The following VPS13B variants were observed in gnomAD, a reference collection of about 807,000 sequenced individuals.
VPS13B encodes vacuolar protein sorting 13 homolog B.
In VPS13B, 285 loss-of-function variants were observed where a neutral mutation model predicts 426.4. The ratio of observed to expected loss-of-function variants is 0.67; its 90% confidence interval spans 0.61 to 0.74. VPS13B has a LOEUF of 0.74. Among genes scored for constraint, VPS13B ranks in the 30% least tolerant of loss-of-function variants. The pLI is 0.00. For missense variants in VPS13B, 4,537 were observed against 4,782.6 expected, an observed-to-expected ratio of 0.95 and a Z score of 1.51; for synonymous variants, 1,676 against 1,676.4, an observed-to-expected ratio of 1.00 and a Z score of 0.01.
chr8:99,337,919 T>C (rs1042765524), intron 19 of VPS13B, among the ~76,000 whole-genome samples: 8 of 152,122 alleles, frequency 5.3e-5, no homozygotes, highest in South Asian at 2.1e-4. Flanking sequence ...GTTTTTTTTT[T>C]CTCATTCATC....
chr8:99,804,536 T>C (rs1813293260), intron 43 of VPS13B, among the ~76,000 whole-genome samples: 1 of 152,232 alleles, frequency 6.6e-6, no homozygotes, highest in Non-Finnish European at 1.5e-5. Flanking sequence ...GCACTCATAC[T>C]AATTCTGTGA....
chr8:99,797,104 A>G (rs565052728), intron 43 of VPS13B: 3 of 152,194 alleles, frequency 2.0e-5, no homozygotes, highest in Non-Finnish European at 4.4e-5. Context: ...GGACATGAAT[A>G]TGGTTGAGGT....
chr8:99,508,692 A>G (rs1026614799), intron 28 of VPS13B, among the ~76,000 whole-genome samples: 3 of 152,118 alleles, frequency 2.0e-5, no homozygotes, highest in Non-Finnish European at 2.9e-5. Flanking sequence ...ACAAATATTC[A>G]TAAAGAAACC....
intron 21 of VPS13B, among the ~76,000 whole-genome samples, chr8:99,394,463 A>G (rs965810516): frequency 1.1e-4 from 16 of 152,322 alleles, no homozygotes; most frequent in East Asian, 5.8e-4. Flanking sequence ...TGTTAACAGC[A>G]GAATGCCACT....
At chr8:99,101,920 A>G (rs1346530025) in intron 4 of VPS13B, among the ~76,000 whole-genome samples, 4 of 151,878 alleles carry the variant, frequency 2.6e-5, no homozygotes, top group African/African-American at 9.7e-5. Context: ...TACCTTTTAA[A>G]TAGTTTTCTT....
At chr8:99,079,994 A>G (rs1398531627) in intron 3 of VPS13B, among the ~76,000 whole-genome samples, 1 of 150,250 alleles carries the variant, frequency 6.7e-6, no homozygotes, top group Admixed American at 6.6e-5. Flanking sequence ...TTTCTTAATA[A>G]TGTATCATAT....
chr8:99,856,592 G>T (rs567710397), intron 56 of VPS13B, among the ~76,000 whole-genome samples: 1 of 152,346 alleles, frequency 6.6e-6, no homozygotes, highest in Admixed American at 6.5e-5. Context: ...TGTAATCCCA[G>T]CACTTTGGGA....
At chr8:99,842,645 A>G (rs1815768418) in intron 54 of VPS13B, among the ~76,000 whole-genome samples, 1 of 151,916 alleles carries the variant, frequency 6.6e-6, no homozygotes, top group Non-Finnish European at 1.5e-5. Context: ...ACTTCCCACT[A>G]TTTTCTTTGT....
At position 99,467,524 on chromosome 8, in the gene VPS13B, G is replaced by A. The variant is rs750034250; in HGVS notation, c.3556G>A (p.Ala1186Thr). 2 of 1,613,758 alleles carry A rather than the reference G, an allele frequency of 1.2e-6. No homozygotes were observed. The highest frequency in any genetic ancestry group is 1.7e-6 in the Non-Finnish European group (2 of 1,179,810). Residue 1186 changes from alanine to threonine, a missense_variant, in exon 24 of 62, where the codon GCT becomes ACT. Ala to Thr is a moderately conservative substitution (Grantham distance 58). Coordinates refer to ENST00000357162, the MANE Select transcript of VPS13B (RefSeq NM_152564.5). ...ACCTATGGGTTGCACCTCCACTCTA[G>A]CTGTCACGTCTCAAAAACTGCTTGC... ...VEPMGCTSTL[A>T]VTSQKLLATG...
In VPS13B at chr8:99,287,228, GTCTGTCTATCTATCTA is replaced by G. The variant is rs1477771315; in HGVS notation, c.2824+11978_2824+11993del. Among the ~76,000 whole-genome samples the G allele has an allele frequency of 1.7e-3, 184 of 105,920 alleles. 3 individuals are homozygous for G. Among genetic ancestry groups the G allele is most frequent in the Admixed American group, 0.015 (168 of 11,302 alleles). The allele number at this position is 105,920 out of a possible 152,430, so 69.5% of individuals were successfully genotyped here. ...GATATATGTGTGTGTGTATCTATCT[GTCTGTCTATCTATCTA>G]TCTATCTATCTATCTATCTATCTAT... On this transcript the variant is annotated intron_variant, in intron 19 of 61. Coordinates refer to ENST00000357162, the MANE Select transcript of VPS13B (RefSeq NM_152564.5).
At chr8:99,277,880 T>C (rs947256567) in intron 19 of VPS13B, among the ~76,000 whole-genome samples, 2 of 152,200 alleles carry the variant, frequency 1.3e-5, no homozygotes, top group African/African-American at 2.4e-5. Flanking sequence ...TAAATACTTA[T>C]TGAATGAATA....
At chr8:99,451,023 T>G (rs976831852) in intron 23 of VPS13B, among the ~76,000 whole-genome samples, 2 of 152,174 alleles carry the variant, frequency 1.3e-5, no homozygotes, top group Admixed American at 1.3e-4. Context: ...ATTTAAAAAA[T>G]TACTCAGGAT....
chr8:99,827,427 A>G (rs1814756659), intron 51 of VPS13B, among the ~76,000 whole-genome samples: 1 of 147,072 alleles, frequency 6.8e-6, no homozygotes, highest in Non-Finnish European at 1.5e-5. Context: ...CCCCTTTATC[A>G]TTTTTTATTG....
intron 39 of VPS13B, among the ~76,000 whole-genome samples, chr8:99,749,984 T>C: frequency 6.6e-6 from 1 of 152,110 alleles, no homozygotes; most frequent in Non-Finnish European, 1.5e-5. Flanking sequence ...GAAAATTAAG[T>C]TTTCTGATTT....
chr8:99,133,519 A>C (rs1809913188), intron 8 of VPS13B, among the ~76,000 whole-genome samples: 1 of 152,188 alleles, frequency 6.6e-6, no homozygotes, highest in Admixed American at 6.5e-5. Context: ...TGTTTGGCTC[A>C]AGATGCCTAT....
chr8:99,043,155 GT>G (rs552869252), intron 3 of VPS13B, among the ~76,000 whole-genome samples: 3 of 150,676 alleles, frequency 2.0e-5, no homozygotes, highest in East Asian at 2.0e-4. Context: ...TTTGTTTTTT[GT>G]TTTTTTTAAT....
intron 19 of VPS13B, among the ~76,000 whole-genome samples, chr8:99,287,455 T>C (rs1189316273): frequency 1.3e-5 from 2 of 152,046 alleles, no homozygotes; most frequent in Non-Finnish European, 2.9e-5. Context: ...GTAGTTAATT[T>C]ATTCTATTTT....
rs563462165 is a variant in VPS13B, at chr8:99,162,943, A to G, written c.2208+6200A>G. On this transcript the variant is annotated intron_variant, in intron 15 of 61. Transcript: ENST00000357162. ...CAGGGCGCTGATTGGTGCGTTTACAATCCCTGAGCTAGATACAAAGGTTCT... is the reference window on the plus strand; with the variant it reads ...CAGGGCGCTGATTGGTGCGTTTACAGTCCCTGAGCTAGATACAAAGGTTCT... Among the ~76,000 whole-genome samples the G allele has an allele frequency of 6.1e-3, 927 of 152,222 alleles. 13 individuals carry two copies. Among genetic ancestry groups the G allele is most frequent in the African/African-American group, 0.021 (879 of 41,532 alleles).
chr8:99,427,856 T>C (rs1170805887), intron 21 of VPS13B, among the ~76,000 whole-genome samples: 1 of 152,084 alleles, frequency 6.6e-6, no homozygotes, highest in African/African-American at 2.4e-5. Flanking sequence ...AGAACAAAGC[T>C]GGAGGTATCA....
Sources: allele counts gnomAD v4.1 joint callset (sites outside exome capture counted in the v4.1 genomes callset), GRCh38; gene constraint gnomAD v4.1.1; transcripts MANE v1.5; gene names NCBI Gene and HGNC (gene_info 2026-07-23, HGNC 2026-07-21).